SLC13A1: variants seen among roughly 807,000 people sequenced by gnomAD.
SLC13A1 encodes the protein solute carrier family 13 member 1, also known as Na(+)/sulfate cotransporter.
A neutral mutation model predicts 70.0 loss-of-function variants in SLC13A1; 65 were observed. The observed-to-expected ratio is 0.93, with a 90% confidence interval of 0.76 to 1.14. SLC13A1 has a LOEUF of 1.14. SLC13A1 is among the 50% of genes most tolerant of loss of function. The pLI, the probability that SLC13A1 is intolerant of heterozygous loss-of-function variation, is 0.00. For missense variants in SLC13A1, 726 were observed against 717.8 expected, an observed-to-expected ratio of 1.01 and a Z score of -0.13; for synonymous variants, 275 against 250.5, an observed-to-expected ratio of 1.10 and a Z score of -0.92.
chr7:123,184,970 T>A (rs1230605386), intron 1 of SLC13A1, among the ~76,000 whole-genome samples: 1 of 152,136 alleles, frequency 6.6e-6, no homozygotes, highest in East Asian at 1.9e-4. Context: ...ACACTTGTTA[T>A]AATAGCCATT....
intron 6 of SLC13A1, among the ~76,000 whole-genome samples, chr7:123,153,416 G>T (rs1011956817): frequency 1.3e-5 from 2 of 152,056 alleles, no homozygotes; most frequent in Admixed American, 6.6e-5. Flanking sequence ...AAGTGGAATG[G>T]TGAATGCACC....
rs75935086 is a variant in SLC13A1, at chr7:123,185,531, A to G, written c.100-4430T>C. On this transcript the variant is annotated intron_variant, in intron 1 of 14. Coordinates refer to ENST00000194130, the MANE Select transcript of SLC13A1 (RefSeq NM_022444.4). Reference sequence around the variant, plus strand: ...TTAGTTTCACTAACACCATTTATTGAAGAGATTCTCCTTTTCCCATTGTGT... The same window carrying G: ...TTAGTTTCACTAACACCATTTATTGGAGAGATTCTCCTTTTCCCATTGTGT... 3.7e-3 allele frequency among the ~76,000 whole-genome samples: 562 copies of G among 152,160 alleles called. 6 individuals carry two copies. The highest frequency in any genetic ancestry group is 0.013 in the African/African-American group (529 of 41,540).
chr7:123,185,242 T>C (rs542106039), intron 1 of SLC13A1, among the ~76,000 whole-genome samples: 1 of 152,244 alleles, frequency 6.6e-6, no homozygotes, highest in Admixed American at 6.5e-5. Flanking sequence ...GGTTGTCTTT[T>C]CACTTTTGAT....
intron 1 of SLC13A1, among the ~76,000 whole-genome samples, chr7:123,187,494 T>C (rs1207682773): frequency 2.0e-5 from 3 of 152,210 alleles, no homozygotes; most frequent in Non-Finnish European, 4.4e-5. Flanking sequence ...CATTCCATAT[T>C]CTGTTAAAGA....
Position 123,125,648 on chromosome 7 carries a change from A to G in SLC13A1, c.1161T>C (p.Thr387=). 1.2e-6 allele frequency: 2 copies of G among 1,613,252 alleles called. No homozygotes were observed. Among genetic ancestry groups the G allele is most frequent in the Non-Finnish European group, 1.7e-6 (2 of 1,179,582 alleles). Residue 387 remains threonine (T), a synonymous_variant, in exon 11 of 15, where the codon ACT becomes ACC. Transcript: ENST00000194130. ...SEYPGFATDS[T]VALLIGLLFF... ...ATAGCAGCCCTATAAGTAAAGCAACAGTTGAATCTGTAGCAAAACCAGGGT... is the reference window on the plus strand; with the variant it reads ...ATAGCAGCCCTATAAGTAAAGCAACGGTTGAATCTGTAGCAAAACCAGGGT...
intron 1 of SLC13A1, among the ~76,000 whole-genome samples, chr7:123,182,478 T>A (rs999840867): frequency 6.6e-6 from 1 of 152,104 alleles, no homozygotes; most frequent in Non-Finnish European, 1.5e-5. Context: ...CTCCACCCAC[T>A]TCCTCCACTG....
At chr7:123,190,782 G>T (rs1795967376) in intron 1 of SLC13A1, among the ~76,000 whole-genome samples, 1 of 152,104 alleles carries the variant, frequency 6.6e-6, no homozygotes, top group South Asian at 2.1e-4. Context: ...GGTTAACTAG[G>T]ACCACCCAGG....
chr7:123,157,612 C>T (rs1482758692), intron 6 of SLC13A1, among the ~76,000 whole-genome samples: 1 of 151,790 alleles, frequency 6.6e-6, no homozygotes, highest in Non-Finnish European at 1.5e-5. Context: ...CTGAGAAAAA[C>T]CTTGCTCTTT....
At position 123,147,371 on chromosome 7, in the gene SLC13A1, A is replaced by T. The variant is rs528836977; in HGVS notation, c.661-61T>A. ...GCTCTATATTTGTTATGGACTGAAT[A>T]TTTGTGTCCCACCACCCGCACCAAT... On this transcript the variant is annotated intron_variant, in intron 6 of 14. Transcript: ENST00000194130. 5.8e-6 allele frequency: 9 copies of T among 1,560,948 alleles called. No individual in the cohort carries two copies. The Admixed American group carries it at 1.4e-4, about 25-fold the overall frequency.
Position 123,147,335 on chromosome 7 carries a change from C to A in SLC13A1, c.661-25G>T. 6 of 1,610,140 alleles carry A rather than the reference C, an allele frequency of 3.7e-6. No individual in the cohort carries two copies. In the South Asian group the frequency reaches 6.6e-5, roughly 18 times the overall value. On this transcript the variant is annotated intron_variant, in intron 6 of 14. Transcript: ENST00000194130. ...TCTGTTCAACAACAACAAAAAACTACCATGAGAACTGCTCTATATTTGTTA... is the reference window on the plus strand; with the variant it reads ...TCTGTTCAACAACAACAAAAAACTAACATGAGAACTGCTCTATATTTGTTA...
At chr7:123,155,819 T>G (rs1015347866) in intron 6 of SLC13A1, among the ~76,000 whole-genome samples, 6 of 152,090 alleles carry the variant, frequency 3.9e-5, no homozygotes, top group African/African-American at 1.4e-4. Flanking sequence ...AGGCATAGAC[T>G]TGGCTCCTGG....
chr7:123,150,779 T>C (rs2116442269), intron 6 of SLC13A1, among the ~76,000 whole-genome samples: 1 of 152,242 alleles, frequency 6.6e-6, no homozygotes, highest in Admixed American at 6.6e-5. Context: ...TTCTGTGATA[T>C]CTCACTCTTT....
intron 3 of SLC13A1, 39 bp downstream of exon 3, chr7:123,171,729 T>C (rs1795279080): frequency 1.2e-6 from 2 of 1,608,344 alleles, no homozygotes; most frequent in South Asian, 2.2e-5. Context: ...AAATGGTCTG[T>C]TCAGCAGGTA....
intron 7 of SLC13A1, among the ~76,000 whole-genome samples, chr7:123,138,656 T>A (rs1370241856): frequency 6.6e-6 from 1 of 152,190 alleles, no homozygotes; most frequent in Non-Finnish European, 1.5e-5. Flanking sequence ...TGATTTACAT[T>A]TCTCTGATGA....
intron 1 of SLC13A1, among the ~76,000 whole-genome samples, chr7:123,196,553 A>G (rs1216076999): frequency 6.6e-6 from 1 of 152,000 alleles, no homozygotes; most frequent in Non-Finnish European, 1.5e-5. Flanking sequence ...AGTATGGAGA[A>G]AAGGGGCACC....
chr7:123,157,966 T>C (rs1359298701), intron 6 of SLC13A1, among the ~76,000 whole-genome samples: 1 of 152,080 alleles, frequency 6.6e-6, no homozygotes, highest in African/African-American at 2.4e-5. Context: ...TTCCTAACCA[T>C]GAGCATTTTT....
chr7:123,172,920 G>A (rs1795321480), intron 2 of SLC13A1, among the ~76,000 whole-genome samples: 1 of 152,046 alleles, frequency 6.6e-6, no homozygotes, highest in African/African-American at 2.4e-5. Context: ...TTTTTAAAGA[G>A]GGGGATATCA....
At chr7:123,181,454 C>T (rs1164543481) in intron 1 of SLC13A1, among the ~76,000 whole-genome samples, 3 of 152,094 alleles carry the variant, frequency 2.0e-5, no homozygotes, top group Non-Finnish European at 2.9e-5. Context: ...TTCCAGAGTA[C>T]AGAAATAGCC....
In SLC13A1 at chr7:123,187,430, A is replaced by G. The variant is rs1410903869; in HGVS notation, c.100-6329T>C. 2.6e-5 allele frequency among the ~76,000 whole-genome samples: 4 copies of G among 152,252 alleles called. No homozygotes were observed. The East Asian group carries it at 7.7e-4, about 29-fold the overall frequency. On this transcript the variant is annotated intron_variant, in intron 1 of 14. Coordinates refer to ENST00000194130, the MANE Select transcript of SLC13A1 (RefSeq NM_022444.4). ...CATATTTGTACACCTTATCATATTT[A>G]ACAAATGTTGACACTTTGCCACATT...
Sources: gnomAD v4.1 joint callset for allele counts (sites outside exome capture counted in the v4.1 genomes callset) on GRCh38, gnomAD v4.1.1 for gene constraint, MANE v1.5 for transcripts, NCBI Gene and HGNC (gene_info 2026-07-23, HGNC 2026-07-21) for gene names.